DNAH6: variants seen among roughly 807,000 people sequenced by gnomAD.
DNAH6 encodes the protein dynein axonemal heavy chain 6.
Under a neutral mutation model 491.4 loss-of-function variants are expected in DNAH6, and 340 were observed. The ratio of observed to expected loss-of-function variants is 0.69; its 90% CI spans 0.63 to 0.76. The LOEUF is 0.76. Ranked by LOEUF, DNAH6 falls within the 30% of genes least tolerant of loss-of-function variation. The pLI is 0.00. For missense variants in DNAH6, 4,443 were observed against 4,972.2 expected, an observed-to-expected ratio of 0.89 and a Z score of 3.20; for synonymous variants, 1,603 against 1,686.1, an observed-to-expected ratio of 0.95 and a Z score of 1.21.
At chr2:84,499,023 C>A in the DNAH6 span, among the ~76,000 whole-genome samples, 9 of 64,600 alleles carry the variant, frequency 1.4e-4, no homozygotes, top group Non-Finnish European at 2.0e-4. Flanking sequence ...AGTATCCATC[C>A]CCTCAAGCAT....
Position 84,573,537 on chromosome 2 carries a change from T to C in DNAH6, c.1874T>C (p.Phe625Ser). The C allele has an allele frequency of 1.3e-6, 2 of 1,592,436 alleles. No individual in the cohort carries two copies. The highest frequency in any genetic ancestry group is 1.7e-6 in the Non-Finnish European group (2 of 1,174,034). The change falls in exon 12 of 77, where the codon TTC becomes TCC. Residue 625 changes from phenylalanine (F) to serine (S), a missense_variant. Transcript: ENST00000389394. ...ACCTTTGAAAAGTTCCAGATATTCT[T>C]CAAGGAAAATGAAAGTCTTGATTTA... The part of the protein sequence containing the change: ...AATFEKFQIF[F>S]KENESLDLQA...
chr2:84,716,723 T>G (rs1005303175), intron 58 of DNAH6, among the ~76,000 whole-genome samples: 5 of 151,856 alleles, frequency 3.3e-5, no homozygotes, highest in Non-Finnish European at 1.5e-5. Flanking sequence ...TCCCAGCATG[T>G]TAGGCTGCCT....
chr2:84,613,153 G>A (rs13418862), intron 22 of DNAH6, among the ~76,000 whole-genome samples: 30 of 151,940 alleles, frequency 2.0e-4, no homozygotes, highest in Non-Finnish European at 5.9e-5. Flanking sequence ...GAGTGTGTGT[G>A]TGTGTGTGTG....
At chr2:84,524,506 G>C (rs1038168310) in intron 2 of DNAH6, among the ~76,000 whole-genome samples, 1 of 152,022 alleles carries the variant, frequency 6.6e-6, no homozygotes, top group Non-Finnish European at 1.5e-5. Context: ...ACACTGGCTT[G>C]TTTGTGTGGT....
intron 11 of DNAH6, among the ~76,000 whole-genome samples, chr2:84,569,532 A>C (rs1257396062): frequency 6.6e-6 from 1 of 152,160 alleles, no homozygotes; most frequent in Non-Finnish European, 1.5e-5. Flanking sequence ...AAACAAAAAG[A>C]AATAAACCCA....
rs140688216 is a variant in DNAH6, at chr2:84,625,877, T to C, written c.4515+814T>C. Reference sequence around the variant, plus strand: ...AAGAAAATCTAACCTCACACAGATATGGACTCTGAAAAGAGGAATTTTTTT... The same window carrying C: ...AAGAAAATCTAACCTCACACAGATACGGACTCTGAAAAGAGGAATTTTTTT... On this transcript the variant is annotated intron_variant, in intron 29 of 76. Coordinates refer to ENST00000389394, the MANE Select transcript of DNAH6 (RefSeq NM_001370.2). 7.0e-4 allele frequency among the ~76,000 whole-genome samples: 107 copies of C among 152,340 alleles called. 1 individual carries two copies. The highest frequency in any genetic ancestry group is 2.4e-3 in the African/African-American group (101 of 41,590).
chr2:84,502,246 T>G, the DNAH6 span, among the ~76,000 whole-genome samples: 3 of 152,160 alleles, frequency 2.0e-5, no homozygotes, highest in Non-Finnish European at 2.9e-5. Flanking sequence ...CTCAAGAAAT[T>G]TTTCAATCTT....
chr2:84,507,838 T>A, the DNAH6 span, among the ~76,000 whole-genome samples: 1 of 152,246 alleles, frequency 6.6e-6, no homozygotes, highest in Non-Finnish European at 1.5e-5. Context: ...GTGGTTTTTG[T>A]CTTTGGTTCT....
chr2:84,714,629 G>A (rs1330922831), intron 57 of DNAH6, among the ~76,000 whole-genome samples: 2 of 151,858 alleles, frequency 1.3e-5, no homozygotes, highest in Non-Finnish European at 2.9e-5. Flanking sequence ...TTTACTCAAA[G>A]ACATGATAAA....
At chr2:84,619,638 C>T in intron 23 of DNAH6, 47 bp from the exon 24 acceptor site, 1 of 1,495,768 alleles carries the variant, frequency 6.7e-7, no homozygotes, top group Non-Finnish European at 9.1e-7. Flanking sequence ...CTGTCTAAGA[C>T]TTTACTTCCA....
intron 11 of DNAH6, among the ~76,000 whole-genome samples, chr2:84,571,824 C>T (rs779709081): frequency 1.1e-4 from 17 of 150,918 alleles, no homozygotes; most frequent in Admixed American, 3.3e-4. Flanking sequence ...GAGACTGAGA[C>T]GGAGAATTGC....
At chr2:84,607,122 C>T (rs866542084) in intron 21 of DNAH6, 27 bp downstream of exon 21, 9 of 1,542,742 alleles carry the variant, frequency 5.8e-6, no homozygotes, top group South Asian at 4.8e-5. Context: ...TTGATTCATA[C>T]ACTCAGAGAA....
Position 84,699,512 on chromosome 2 carries a change from C to A in DNAH6, c.7678-82C>A, listed in dbSNP as rs1695689242. ...GACATTTTATATTTGATATTGGGAG[C>A]CTCAGATGCATTAGCCAACACTTAT... On this transcript the variant is annotated intron_variant, in intron 47 of 76. Transcript: ENST00000389394. 2.5e-6 allele frequency: 3 copies of A among 1,197,276 alleles called. No homozygotes were observed. In the African/African-American group the frequency reaches 4.6e-5, roughly 18 times the overall value. 74.2% of individuals were successfully genotyped at this position (1,197,276 alleles called of 1,614,324 possible).
chr2:84,735,224 G>A (rs1249746084), intron 62 of DNAH6, among the ~76,000 whole-genome samples: 1 of 152,128 alleles, frequency 6.6e-6, no homozygotes, highest in Non-Finnish European at 1.5e-5. Context: ...TGTAAAGGAC[G>A]TAATGTCATT....
At chr2:84,705,895 G>T (rs1175048328) in intron 52 of DNAH6, 148 bp downstream of exon 52, 1 of 1,006,868 alleles carries the variant, frequency 9.9e-7, no homozygotes, top group African/African-American at 1.6e-5. Context: ...AACAAGAGCT[G>T]GCAATTTTTT....
At chr2:84,538,429 A>C (rs187706280) in intron 4 of DNAH6, among the ~76,000 whole-genome samples, 1 of 152,152 alleles carries the variant, frequency 6.6e-6, no homozygotes, top group Non-Finnish European at 1.5e-5. Context: ...TCTCTGTGCA[A>C]TGTCAAGTTT....
At chr2:84,799,279 C>T (rs555782604) in intron 70 of DNAH6, among the ~76,000 whole-genome samples, 6 of 152,342 alleles carry the variant, frequency 3.9e-5, no homozygotes, top group East Asian at 3.9e-4. Context: ...TGAGCCACTG[C>T]GCCCAGCCCA....
chr2:84,804,376 T>C (rs1344851935), intron 70 of DNAH6, among the ~76,000 whole-genome samples: 3 of 152,094 alleles, frequency 2.0e-5, no homozygotes, highest in Non-Finnish European at 4.4e-5. Flanking sequence ...TCAGTGATAT[T>C]AGAAGACTCA....
At position 84,812,502 on chromosome 2, in the gene DNAH6, T is replaced by G; in HGVS notation, c.11901T>G (p.Leu3967=). The part of the protein sequence containing the change: ...LKPLGSWVKD[L]ILRTSFVDLW... ...CACTAGGATCATGGGTCAAAGACCT[T>G]ATCCTGAGGACCTCATTTGTGGATG... Residue 3967 remains leucine (L), a synonymous_variant, in exon 73 of 77, where the codon CTT becomes CTG. Coordinates refer to ENST00000389394, the MANE Select transcript of DNAH6 (RefSeq NM_001370.2). 1 of 1,550,076 alleles carries G rather than the reference T, an allele frequency of 6.5e-7. No individual in the cohort carries two copies. The highest frequency in any genetic ancestry group is 8.7e-7 in the Non-Finnish European group (1 of 1,146,608).
Sources: allele counts gnomAD v4.1 joint callset (sites outside exome capture counted in the v4.1 genomes callset), GRCh38; gene constraint gnomAD v4.1.1; transcripts MANE v1.5; gene names NCBI Gene and HGNC (gene_info 2026-07-23, HGNC 2026-07-21).